NEK10: variants seen among roughly 807,000 people sequenced by gnomAD.
NEK10 encodes the protein serine/threonine-protein kinase Nek10.
Under a neutral mutation model 159.8 loss-of-function variants are expected in NEK10, and 122 were observed. The ratio of observed to expected loss-of-function variants is 0.76; its 90% CI spans 0.66 to 0.89. NEK10 has a LOEUF of 0.89. NEK10 is among the 40% of genes least tolerant of loss of function. The pLI, the probability that NEK10 is intolerant of heterozygous loss-of-function variation, is 0.00. For missense variants in NEK10, 1,342 were observed against 1,323.1 expected (o/e 1.01, Z -0.22); for synonymous variants, 466 against 457.1 (o/e 1.02, Z -0.25).
intron 23 of NEK10, among the ~76,000 whole-genome samples, chr3:27,242,253 G>A (rs1364031611): frequency 6.6e-6 from 1 of 152,180 alleles, no homozygotes; most frequent in Non-Finnish European, 1.5e-5. Flanking sequence ...GAATGAGGCT[G>A]TTGCTTCCAG....
intron 11 of NEK10, among the ~76,000 whole-genome samples, chr3:27,305,628 A>T (rs78393519): frequency 0.044 from 6,527 of 148,964 alleles, 165 homozygotes; most frequent in African/African-American, 0.077. Flanking sequence ...AAAAAAAAAA[A>T]AATAATAATA....
chr3:27,218,506 G>A (rs1184529615), intron 23 of NEK10, among the ~76,000 whole-genome samples: 2 of 151,388 alleles, frequency 1.3e-5, no homozygotes, highest in Non-Finnish European at 2.9e-5. Flanking sequence ...TCAGGAGGCT[G>A]AGGCAGGAGA....
At position 27,358,019 on chromosome 3, in the gene NEK10, C is replaced by A. The variant is rs147963005; in HGVS notation, c.-37-5100G>T. ...CTATTGCTAAAATAAAAATAGAAAACCACTGATTCTCTAACACTTATTCTA... is the reference window on the plus strand; with the variant it reads ...CTATTGCTAAAATAAAAATAGAAAAACACTGATTCTCTAACACTTATTCTA... On this transcript the variant is annotated intron_variant, in intron 1 of 35. Transcript: ENST00000691995. Among the ~76,000 whole-genome samples the A allele has an allele frequency of 5.9e-5, 9 of 152,274 alleles. No homozygotes were observed. In the East Asian group the frequency reaches 1.7e-3, roughly 29 times the overall value.
intron 26 of NEK10, among the ~76,000 whole-genome samples, chr3:27,177,328 G>C (rs546565815): frequency 2.0e-5 from 3 of 152,074 alleles, no homozygotes; most frequent in African/African-American, 7.2e-5. Context: ...TGGATCACGA[G>C]GTCAGGAGAT....
At chr3:27,124,435 T>A (rs1477687151) in intron 32 of NEK10, among the ~76,000 whole-genome samples, 1 of 152,154 alleles carries the variant, frequency 6.6e-6, no homozygotes, top group Non-Finnish European at 1.5e-5. Flanking sequence ...ACTTACAACA[T>A]TCTAGACACA....
chr3:27,352,393 T>G (rs2048030427), intron 3 of NEK10, 72 bp downstream of exon 3: 1 of 942,406 alleles, frequency 1.1e-6, no homozygotes, highest in Non-Finnish European at 1.7e-6. Flanking sequence ...TTCATAGATA[T>G]GTTAAATGGA....
chr3:27,316,032 C>T (rs928112220), intron 6 of NEK10, among the ~76,000 whole-genome samples: 6 of 152,188 alleles, frequency 3.9e-5, no homozygotes, highest in Admixed American at 2.0e-4. Flanking sequence ...GAAGCAGTTC[C>T]GTAACTCCAT....
intron 4 of NEK10, among the ~76,000 whole-genome samples, chr3:27,344,641 T>A (rs2047427688): frequency 6.6e-6 from 1 of 152,204 alleles, no homozygotes; most frequent in African/African-American, 2.4e-5. Context: ...TCATATTCAT[T>A]AAATTATTCC....
intron 33 of NEK10, 140 bp downstream of exon 33, chr3:27,119,620 G>A: frequency 1.7e-6 from 1 of 603,502 alleles, no homozygotes; most frequent in Non-Finnish European, 2.9e-6. Flanking sequence ...CCTACCATAT[G>A]TGCCTTCCAA....
At chr3:27,314,266 G>T (rs745905559) in intron 7 of NEK10, 31 bp downstream of exon 7, 7 of 1,556,736 alleles carry the variant, frequency 4.5e-6, no homozygotes, top group African/African-American at 1.4e-5. Context: ...AAATGAAAAG[G>T]CAAGACCAGC....
At chr3:27,125,786 T>C (rs750126661) in intron 32 of NEK10, among the ~76,000 whole-genome samples, 19 of 152,174 alleles carry the variant, frequency 1.2e-4, no homozygotes, top group Non-Finnish European at 2.8e-4. Context: ...AGTATTCCTG[T>C]TGCTGTGGTG....
chr3:27,252,254 G>A, intron 23 of NEK10: 1 of 496,408 alleles, frequency 2.0e-6, no homozygotes. Flanking sequence ...AGTCTGAAGG[G>A]AGGTTGCTAT....
intron 30 of NEK10, among the ~76,000 whole-genome samples, chr3:27,152,028 T>C (rs575611013): frequency 6.6e-6 from 1 of 152,312 alleles, no homozygotes; most frequent in Non-Finnish European, 1.5e-5. Context: ...ATAATTGGTA[T>C]TCCTGAGGAA....
intron 25 of NEK10, among the ~76,000 whole-genome samples, chr3:27,194,894 C>A (rs6551179): frequency 6.6e-6 from 1 of 152,056 alleles, no homozygotes; most frequent in African/African-American, 2.4e-5. Flanking sequence ...ATCCTAGTAC[C>A]GAGCAGAACA....
intron 30 of NEK10, among the ~76,000 whole-genome samples, chr3:27,144,252 G>A (rs1441546601): frequency 3.3e-5 from 5 of 152,246 alleles, no homozygotes; most frequent in East Asian, 1.9e-4. Context: ...TGCAGTTCTA[G>A]CCCATTCTCT....
intron 23 of NEK10, among the ~76,000 whole-genome samples, chr3:27,229,623 A>G (rs1392780002): frequency 6.6e-6 from 1 of 152,136 alleles, no homozygotes; most frequent in African/African-American, 2.4e-5. Context: ...AATTTTTTTA[A>G]TCTAGGAAAT....
intron 28 of NEK10, among the ~76,000 whole-genome samples, chr3:27,173,748 C>G (rs1947236382): frequency 6.6e-6 from 1 of 152,062 alleles, no homozygotes; most frequent in African/African-American, 2.4e-5. Context: ...ATTTTATCAA[C>G]TTACTCTTTT....
chr3:27,122,736 G>A (rs1481687828), intron 32 of NEK10, among the ~76,000 whole-genome samples: 3 of 151,954 alleles, frequency 2.0e-5, no homozygotes, highest in African/African-American at 7.3e-5. Flanking sequence ...TTTATACCTT[G>A]GAATTCTAAA....
At chr3:27,270,340 G>A (rs865774692) in intron 22 of NEK10, among the ~76,000 whole-genome samples, 6 of 152,088 alleles carry the variant, frequency 3.9e-5, no homozygotes, top group Non-Finnish European at 8.8e-5. Context: ...CCCATTGCCA[G>A]CCATGGTATT....
Sources: gnomAD v4.1 joint callset for allele counts (sites outside exome capture counted in the v4.1 genomes callset) on GRCh38, gnomAD v4.1.1 for gene constraint, MANE v1.5 for transcripts, NCBI Gene and HGNC (gene_info 2026-07-23, HGNC 2026-07-21) for gene names.